TOX3: variants seen among roughly 807,000 people sequenced by gnomAD.
TOX3 encodes the protein CAG trinucleotide repeat-containing gene F9 protein.
TOX3 carries 22 observed loss-of-function variants against 64.3 expected under a neutral mutation model. The observed-to-expected ratio is 0.34, with a 90% CI of 0.24 to 0.49. The LOEUF is 0.49. TOX3 is among the 20% of genes least tolerant of loss of function. The pLI, the probability that TOX3 is intolerant of heterozygous loss-of-function variation, is 0.99. For synonymous variants in TOX3, 291 were observed against 273.6 expected, an observed-to-expected ratio of 1.06 and a Z score of -0.63; for missense variants, 661 against 714.4, an observed-to-expected ratio of 0.93 and a Z score of 0.85.
At chr16:52,482,353 T>C (rs1171215142) in intron 1 of TOX3, among the ~76,000 whole-genome samples, 1 of 152,196 alleles carries the variant, frequency 6.6e-6, no homozygotes, top group Non-Finnish European at 1.5e-5. Context: ...AAGATGTGAT[T>C]ATACAGCAAT....
rs1386849038 is a variant in TOX3 at position 52,522,483 on chromosome 16, G to A, written c.87+24154C>T. 3.9e-5 allele frequency among the ~76,000 whole-genome samples: 6 copies of A among 152,194 alleles called. No homozygotes were observed. The East Asian group carries it at 1.2e-3, about 29-fold the overall frequency. ...AGGAGCAACCACCTCCTTTGAAGAA[G>A]TCTCGTCTCTTGCAGTCTCACACAA... On this transcript the variant is annotated intron_variant, in intron 1 of 6. Transcript: ENST00000219746.
intron 1 of TOX3, among the ~76,000 whole-genome samples, chr16:52,492,708 A>G (rs1044768479): frequency 1.3e-5 from 2 of 150,440 alleles, no homozygotes; most frequent in Non-Finnish European, 3.0e-5. Flanking sequence ...TCATTTTCCC[A>G]GCTGAGTTAG....
chr16:52,523,170 C>G (rs1962648005), intron 1 of TOX3, among the ~76,000 whole-genome samples: 1 of 152,162 alleles, frequency 6.6e-6, no homozygotes, highest in Non-Finnish European at 1.5e-5. Flanking sequence ...TGAGGAAAGA[C>G]TTGAAGAGAA....
At chr16:52,493,296 C>G (rs1961747682) in intron 1 of TOX3, among the ~76,000 whole-genome samples, 3 of 152,300 alleles carry the variant, frequency 2.0e-5, no homozygotes, top group Admixed American at 1.3e-4. Flanking sequence ...CACCTACACA[C>G]ACATCGTATA....
At chr16:52,494,262 A>C (rs961386944) in intron 1 of TOX3, among the ~76,000 whole-genome samples, 2 of 152,140 alleles carry the variant, frequency 1.3e-5, no homozygotes, top group African/African-American at 4.8e-5. Context: ...ATGTGAGCAG[A>C]AGGATGTGTC....
At chr16:52,444,169 G>T in intron 6 of TOX3, 107 bp downstream of exon 6, 2 of 776,214 alleles carry the variant, frequency 2.6e-6, no homozygotes, top group Non-Finnish European at 2.0e-6. Context: ...TGTTCAAGAT[G>T]CCTTTCCATC....
chr16:52,534,449 T>C (rs1049806039), intron 1 of TOX3, among the ~76,000 whole-genome samples: 4 of 151,948 alleles, frequency 2.6e-5, no homozygotes, highest in Non-Finnish European at 5.9e-5. Flanking sequence ...ACCAGTCTGG[T>C]CAACATAGTG....
chr16:52,528,563 G>C (rs1392196926), intron 1 of TOX3, among the ~76,000 whole-genome samples: 1 of 151,990 alleles, frequency 6.6e-6, no homozygotes, highest in East Asian at 1.9e-4. Flanking sequence ...TGGTTCCCTA[G>C]CCTCTCTCTC....
At chr16:52,470,669 G>A (rs1339213920) in intron 1 of TOX3, among the ~76,000 whole-genome samples, 6 of 152,094 alleles carry the variant, frequency 3.9e-5, no homozygotes, top group Non-Finnish European at 7.4e-5. Context: ...TATTTGCCCT[G>A]GAGAAATGAG....
At chr16:52,532,222 T>C (rs903182525) in intron 1 of TOX3, among the ~76,000 whole-genome samples, 3 of 152,168 alleles carry the variant, frequency 2.0e-5, no homozygotes, top group Non-Finnish European at 2.9e-5. Flanking sequence ...CCTTCTGTAA[T>C]GTAATTTTGT....
At position 52,539,970 on chromosome 16, in the gene TOX3, G is replaced by A. The variant is rs534102752; in HGVS notation, c.87+6667C>T. Among the ~76,000 whole-genome samples the A allele has an allele frequency of 2.0e-5, 3 of 152,122 alleles. No individual in the cohort carries two copies. In the East Asian group the frequency reaches 5.8e-4, roughly 29 times the overall value. On this transcript the variant is annotated intron_variant, in intron 1 of 6. Transcript: ENST00000219746. Reference sequence around the variant, plus strand: ...CCTTCCCATACCTTACCTCAACTGGGTGATGGCATCCTACTCCCGGTCTCT... The same window carrying A: ...CCTTCCCATACCTTACCTCAACTGGATGATGGCATCCTACTCCCGGTCTCT...
At chr16:52,445,894 C>G (rs1960147668) in intron 5 of TOX3, 100 bp downstream of exon 5, 1 of 1,090,968 alleles carries the variant, frequency 9.2e-7, no homozygotes. Context: ...TCAAAAGAAG[C>G]AATCATATTA....
intron 1 of TOX3, among the ~76,000 whole-genome samples, chr16:52,537,878 T>TAAAAAAAAAAAAA (rs57403617): frequency 1.8e-5 from 2 of 111,038 alleles, no homozygotes; most frequent in Admixed American, 9.3e-5. Context: ...GCTGATATGA[T>TAAAAAAAAAAAAA]AAAAAAAAAA....
At chr16:52,451,849 G>A (rs1960360374) in intron 3 of TOX3, among the ~76,000 whole-genome samples, 1 of 152,024 alleles carries the variant, frequency 6.6e-6, no homozygotes, top group Non-Finnish European at 1.5e-5. Context: ...ATTGACCTAG[G>A]GCAGAGTTTC....
At chr16:52,529,854 T>C (rs370790909) in intron 1 of TOX3, among the ~76,000 whole-genome samples, 6 of 152,324 alleles carry the variant, frequency 3.9e-5, no homozygotes, top group African/African-American at 1.4e-4. Context: ...AAAAAAATGA[T>C]GTTCACGAAA....
chr16:52,450,230 A>G (rs1350526108), intron 4 of TOX3, 47 bp downstream of exon 4: 3 of 1,607,568 alleles, frequency 1.9e-6, no homozygotes, highest in Non-Finnish European at 2.6e-6. Context: ...GCATGGGGTA[A>G]TCCCATATTC....
chr16:52,482,128 T>G (rs1053896636), intron 1 of TOX3, among the ~76,000 whole-genome samples: 2 of 152,196 alleles, frequency 1.3e-5, no homozygotes, highest in African/African-American at 2.4e-5. Flanking sequence ...AAGTAGGGGT[T>G]GCTGGCTTTC....
chr16:52,498,858 G>A (rs1045284830), intron 1 of TOX3, among the ~76,000 whole-genome samples: 1 of 152,184 alleles, frequency 6.6e-6, no homozygotes, highest in Admixed American at 6.5e-5. Flanking sequence ...AGACAATTAC[G>A]TATTCAAATG....
intron 2 of TOX3, 80 bp downstream of exon 2, chr16:52,468,429 C>A (rs1960930156): frequency 1.6e-6 from 2 of 1,288,160 alleles, no homozygotes; most frequent in Non-Finnish European, 2.2e-6. Context: ...AAATTTGATA[C>A]TTTGTTTTTC....
Sources: allele counts gnomAD v4.1 joint callset (sites outside exome capture counted in the v4.1 genomes callset), GRCh38; gene constraint gnomAD v4.1.1; transcripts MANE v1.5; gene names NCBI Gene and HGNC (gene_info 2026-07-23, HGNC 2026-07-21).